The following NOS1AP variants were observed in gnomAD, a reference collection of about 807,000 sequenced individuals.
NOS1AP encodes the protein carboxyl-terminal PDZ ligand of neuronal nitric oxide synthase protein.
In NOS1AP, 21 loss-of-function variants were observed where a neutral mutation model predicts 56.2. That is an observed-to-expected ratio of 0.37 (90% CI 0.26 to 0.54). The LOEUF is 0.54. Ranked by LOEUF, NOS1AP falls within the 20% of genes least tolerant of loss-of-function variation. The probability of loss-of-function intolerance (pLI) is 0.84; values close to 1 mark genes in which losing one functional copy is unlikely to be tolerated. For synonymous variants in NOS1AP, 270 were observed against 274.6 expected, an observed-to-expected ratio of 0.98 and a Z score of 0.17; for missense variants, 522 against 657.8, an observed-to-expected ratio of 0.79 and a Z score of 2.26.
chr1:162,263,298 C>T (rs528450490), intron 2 of NOS1AP, among the ~76,000 whole-genome samples: 34 of 152,296 alleles, frequency 2.2e-4, no homozygotes, highest in South Asian at 1.2e-3. Flanking sequence ...CGGTACTGGC[C>T]TCTGGCAAAG....
At chr1:162,189,005 C>G (rs934022170) in intron 2 of NOS1AP, among the ~76,000 whole-genome samples, 1 of 151,894 alleles carries the variant, frequency 6.6e-6, no homozygotes, top group Non-Finnish European at 1.5e-5. Flanking sequence ...TGCAGTGAGC[C>G]GAGATTGCAC....
In NOS1AP at chr1:162,354,739, G is replaced by A. The variant is rs1359415392; in HGVS notation, c.596-448G>A. Among the ~76,000 whole-genome samples the A allele has an allele frequency of 2.0e-5, 3 of 152,214 alleles. No individual in the cohort carries two copies. The East Asian group carries it at 5.8e-4, about 29-fold the overall frequency. ...ATCTAACTGAGCTTCTAATTCTGTA[G>A]TTAAAGAAACATGGCCCAGAGAGTG... On this transcript the variant is annotated intron_variant, in intron 6 of 9. Coordinates refer to ENST00000361897, the MANE Select transcript of NOS1AP (RefSeq NM_014697.3).
chr1:162,353,874 C>A (rs1172730157), intron 6 of NOS1AP, among the ~76,000 whole-genome samples: 1 of 152,336 alleles, frequency 6.6e-6, no homozygotes, highest in East Asian at 1.9e-4. Flanking sequence ...TGGTAGAAAG[C>A]AGGCTGCTCC....
chr1:162,210,543 T>A (rs2101646270), intron 2 of NOS1AP, among the ~76,000 whole-genome samples: 1 of 152,298 alleles, frequency 6.6e-6, no homozygotes, highest in Non-Finnish European at 1.5e-5. Flanking sequence ...GAGGCCAGCA[T>A]CTTTCTGTGA....
intron 5 of NOS1AP, among the ~76,000 whole-genome samples, chr1:162,341,985 G>A (rs1273588608): frequency 1.3e-5 from 2 of 152,078 alleles, no homozygotes; most frequent in African/African-American, 4.8e-5. Flanking sequence ...TAGGACTGAT[G>A]CCTACTGCTT....
intron 1 of NOS1AP, among the ~76,000 whole-genome samples, chr1:162,101,441 T>C (rs6427649): frequency 0.12 from 17,631 of 152,244 alleles, 2,267 homozygotes; most frequent in African/African-American, 0.32. Flanking sequence ...CATGTGAATT[T>C]TAAAATAGCT....
intron 1 of NOS1AP, among the ~76,000 whole-genome samples, chr1:162,102,498 T>C (rs1647328016): frequency 6.6e-6 from 1 of 152,222 alleles, no homozygotes; most frequent in Non-Finnish European, 1.5e-5. Context: ...TTTCAATTGT[T>C]TGGAATAGTT....
chr1:162,182,458 G>A (rs6679693), intron 2 of NOS1AP, among the ~76,000 whole-genome samples: 70,678 of 152,076 alleles, frequency 0.46, 18,005 homozygotes, highest in East Asian at 0.75. Flanking sequence ...GCTGAAGGTA[G>A]AGGTGGCTGT....
intron 2 of NOS1AP, among the ~76,000 whole-genome samples, chr1:162,190,466 A>G (rs529559572): frequency 1.3e-5 from 2 of 152,082 alleles, no homozygotes; most frequent in South Asian, 4.1e-4. Flanking sequence ...TTTTTAAACA[A>G]TCTGATTTTA....
At chr1:162,309,821 G>A (rs566089744) in intron 4 of NOS1AP, among the ~76,000 whole-genome samples, 50 of 152,264 alleles carry the variant, frequency 3.3e-4, no homozygotes, top group African/African-American at 1.2e-3. Context: ...AGATGAAAAG[G>A]TCCTATGGGG....
At chr1:162,115,121 T>C (rs1438328220) in intron 1 of NOS1AP, among the ~76,000 whole-genome samples, 1 of 152,232 alleles carries the variant, frequency 6.6e-6, no homozygotes, top group East Asian at 1.9e-4. Flanking sequence ...ACTGAGCCTA[T>C]GGCAGTGAAC....
At chr1:162,353,558 T>TGC (rs1386535089) in intron 6 of NOS1AP, among the ~76,000 whole-genome samples, 20 of 152,178 alleles carry the variant, frequency 1.3e-4, no homozygotes, top group African/African-American at 4.6e-4. Flanking sequence ...ACTTACTTTG[T>TGC]CAGTATTTAT....
intron 9 of NOS1AP, among the ~76,000 whole-genome samples, chr1:162,366,290 A>G (rs1271247755): frequency 6.6e-6 from 1 of 152,138 alleles, no homozygotes; most frequent in Non-Finnish European, 1.5e-5. Flanking sequence ...TGTGCCAGAA[A>G]CTGTGATAGA....
At chr1:162,216,146 T>C (rs1272267331) in intron 2 of NOS1AP, among the ~76,000 whole-genome samples, 1 of 152,234 alleles carries the variant, frequency 6.6e-6, no homozygotes, top group East Asian at 1.9e-4. Context: ...TTGACGTTGA[T>C]TTGCATTCCT....
At chr1:162,214,740 A>G (rs1652499229) in intron 2 of NOS1AP, among the ~76,000 whole-genome samples, 1 of 152,164 alleles carries the variant, frequency 6.6e-6, no homozygotes, top group Admixed American at 6.5e-5. Flanking sequence ...ATCACTTCAC[A>G]GAACTACTAT....
Position 162,300,702 on chromosome 1 carries a change from T to C in NOS1AP, c.340T>C (p.Tyr114His). Residue 114 changes from tyrosine to histidine, a missense_variant, in exon 4 of 10, where the codon TAC becomes CAC. Transcript: ENST00000361897. ...SKMLVMQDPI[Y>H]RIFYVSHDSQ... ...GATGCTGGTGATGCAGGACCCCATC[T>C]ACAGGTAAGAGCCCAGTCCAGCACC... 1 of 1,613,952 alleles carries C rather than the reference T, an allele frequency of 6.2e-7. No homozygotes were observed.
chr1:162,269,820 A>G (rs1256527037), intron 2 of NOS1AP, among the ~76,000 whole-genome samples: 1 of 151,518 alleles, frequency 6.6e-6, no homozygotes, highest in Non-Finnish European at 1.5e-5. Flanking sequence ...CGTGTAGTTC[A>G]CTCAGTAGCC....
At chr1:162,301,597 G>A (rs1306478567) in intron 4 of NOS1AP, among the ~76,000 whole-genome samples, 1 of 152,148 alleles carries the variant, frequency 6.6e-6, no homozygotes, top group Non-Finnish European at 1.5e-5. Context: ...ATTGTCCTGG[G>A]CAGAAGAATA....
At chr1:162,310,415 G>C (rs1428215840) in intron 4 of NOS1AP, among the ~76,000 whole-genome samples, 1 of 152,318 alleles carries the variant, frequency 6.6e-6, no homozygotes, top group East Asian at 1.9e-4. Flanking sequence ...TGATCATCAG[G>C]GATGTGGAGG....
Sources: allele counts gnomAD v4.1 joint callset (sites outside exome capture counted in the v4.1 genomes callset), GRCh38; gene constraint gnomAD v4.1.1; transcripts MANE v1.5; gene names NCBI Gene and HGNC (gene_info 2026-07-23, HGNC 2026-07-21).